GRID2: variants seen among roughly 807,000 people sequenced by gnomAD.
The protein encoded by GRID2 is glutamate receptor ionotropic, delta-2.
GRID2 carries 33 observed loss-of-function variants against 114.8 expected under a neutral mutation model. That is an observed-to-expected ratio of 0.29 (90% CI 0.22 to 0.38). GRID2 has a LOEUF of 0.38. Ranked by LOEUF, GRID2 falls within the 10% of genes least tolerant of loss-of-function variation. The pLI is 1.00. For synonymous variants in GRID2, 505 were observed against 449.9 expected (o/e 1.12, Z -1.55); for missense variants, 1,184 against 1,257.7 (o/e 0.94, Z 0.89).
intron 2 of GRID2, among the ~76,000 whole-genome samples, chr4:92,893,587 G>T (rs930794281): frequency 2.0e-5 from 3 of 152,102 alleles, no homozygotes; most frequent in Non-Finnish European, 4.4e-5. Context: ...TAGCCCATGT[G>T]TAACTTTTTT....
chr4:92,450,718 C>T (rs1374721707), intron 1 of GRID2, among the ~76,000 whole-genome samples: 3 of 151,294 alleles, frequency 2.0e-5, no homozygotes, highest in Admixed American at 1.3e-4. Flanking sequence ...TCTGAATAAC[C>T]TCCTTTAAAT....
chr4:92,700,918 C>T (rs1388758431), intron 2 of GRID2, among the ~76,000 whole-genome samples: 2 of 148,818 alleles, frequency 1.3e-5, no homozygotes, highest in South Asian at 2.2e-4. Flanking sequence ...GGCGTGAACC[C>T]GGGAGGTGGA....
At chr4:92,918,076 A>T (rs1449295661) in intron 2 of GRID2, among the ~76,000 whole-genome samples, 3 of 152,056 alleles carry the variant, frequency 2.0e-5, no homozygotes, top group African/African-American at 7.2e-5. Flanking sequence ...CATCCCTTGT[A>T]AGTTGGTTTC....
chr4:93,364,829 C>T (rs1270191752), intron 8 of GRID2, among the ~76,000 whole-genome samples: 1 of 151,932 alleles, frequency 6.6e-6, no homozygotes, highest in Non-Finnish European at 1.5e-5. Context: ...CTTTATAGGT[C>T]ATATTTCTCA....
At chr4:93,417,163 T>G (rs543217477) in intron 9 of GRID2, among the ~76,000 whole-genome samples, 1 of 152,262 alleles carries the variant, frequency 6.6e-6, no homozygotes, top group African/African-American at 2.4e-5. Context: ...CAAAGCCATC[T>G]ACTCACACTT....
At chr4:92,397,342 ATGTG>A (rs58085283) in intron 1 of GRID2, among the ~76,000 whole-genome samples, 5,684 of 142,672 alleles carry the variant, frequency 0.04, 119 homozygotes, top group South Asian at 0.052. Context: ...GTGTGTTTGT[ATGTG>A]TGTGTGTGTG....
intron 1 of GRID2, among the ~76,000 whole-genome samples, chr4:92,324,596 GACACACAC>G (rs34621988): frequency 4.0e-5 from 6 of 148,152 alleles, no homozygotes; most frequent in Non-Finnish European, 6.0e-5. Context: ...CATACATACA[GACACACAC>G]ACACACACAC....
intron 1 of GRID2, among the ~76,000 whole-genome samples, chr4:92,335,481 G>T (rs1727117911): frequency 6.6e-6 from 1 of 152,100 alleles, no homozygotes; most frequent in Non-Finnish European, 1.5e-5. Flanking sequence ...TTTTCTTTCA[G>T]TCTGACTTTG....
chr4:92,906,762 G>T (rs559119663), intron 2 of GRID2, among the ~76,000 whole-genome samples: 2 of 152,168 alleles, frequency 1.3e-5, no homozygotes, highest in African/African-American at 4.8e-5. Context: ...GGGACTACAG[G>T]CACCTCCATT....
chr4:93,803,098 T>A lies in GRID2; in HGVS notation c.222-3617T>A, dbSNP rs546675012. On this transcript the variant is annotated intron_variant, in intron 1 of 1. Transcript: ENST00000637838. ...ATCCTATGTACATGCAGTGGAATTT[T>A]GTAGCCTGAAGGAACTACAGTGATC... Among the ~76,000 whole-genome samples the A allele has an allele frequency of 1.1e-4, 17 of 152,352 alleles. No homozygotes were observed. The East Asian group carries it at 3.1e-3, about 28-fold the overall frequency.
At chr4:93,538,415 G>T (rs562681236) in intron 13 of GRID2, among the ~76,000 whole-genome samples, 1 of 151,738 alleles carries the variant, frequency 6.6e-6, no homozygotes, top group South Asian at 2.1e-4. Flanking sequence ...AAAAAAAGTG[G>T]GAGAAGAAAC....
chr4:92,962,842 A>G (rs1247829859), intron 2 of GRID2, among the ~76,000 whole-genome samples: 1 of 151,908 alleles, frequency 6.6e-6, no homozygotes, highest in African/African-American at 2.4e-5. Flanking sequence ...TAGCCCAGCA[A>G]TAGTTCCCAC....
intron 9 of GRID2, among the ~76,000 whole-genome samples, chr4:93,396,832 A>G (rs1264357530): frequency 6.6e-6 from 1 of 152,054 alleles, no homozygotes; most frequent in African/African-American, 2.4e-5. Context: ...AAATAGCCAT[A>G]AACCACGAAG....
chr4:93,804,930 T>C (rs1482269041), intron 1 of GRID2, among the ~76,000 whole-genome samples: 1 of 152,228 alleles, frequency 6.6e-6, no homozygotes, highest in Non-Finnish European at 1.5e-5. Context: ...AGGTGGTTGA[T>C]ATTGTTTTAT....
Position 93,772,513 on chromosome 4 carries a change from T to G in GRID2, c.*15T>G. The G allele has an allele frequency of 6.5e-7, 1 of 1,533,458 alleles. No homozygotes were observed. The highest frequency in any genetic ancestry group is 2.3e-5 in the East Asian group (1 of 44,214). 95.0% of individuals were successfully genotyped at this position (1,533,458 alleles called of 1,614,324 possible). ...CCTCCATATGAGCATCAAACAAATC[T>G]CTTCACTGTTTCTTTTTTAGGACTC... On this transcript the variant is annotated 3_prime_UTR_variant, in exon 16 of 16. Coordinates refer to ENST00000282020, the MANE Select transcript of GRID2 (RefSeq NM_001510.4).
chr4:92,590,369 G>A (rs370608333), intron 2 of GRID2, 83 bp downstream of exon 2: 12 of 951,178 alleles, frequency 1.3e-5, no homozygotes, highest in Middle Eastern at 2.5e-4. Flanking sequence ...TATTAAACAT[G>A]GACATCATTT....
chr4:92,992,955 C>G (rs1754995086), intron 2 of GRID2, among the ~76,000 whole-genome samples: 1 of 151,916 alleles, frequency 6.6e-6, no homozygotes, highest in Non-Finnish European at 1.5e-5. Flanking sequence ...TAATAAAACT[C>G]TTGTCACTTT....
intron 3 of GRID2, among the ~76,000 whole-genome samples, chr4:93,098,444 T>C (rs1000102007): frequency 1.3e-5 from 2 of 151,936 alleles, no homozygotes; most frequent in African/African-American, 4.8e-5. Flanking sequence ...TATCTGACAA[T>C]GGCTAGATGC....
intron 1 of GRID2, among the ~76,000 whole-genome samples, chr4:92,363,937 AACTCCCC>A (rs566592558): frequency 7.4e-4 from 111 of 149,502 alleles, no homozygotes; most frequent in Middle Eastern, 6.9e-3. Flanking sequence ...CTTGTGTCTC[AACTCCCC>A]AGGTAGCTAG....
Sources: gnomAD v4.1 joint callset for allele counts (sites outside exome capture counted in the v4.1 genomes callset) on GRCh38, gnomAD v4.1.1 for gene constraint, MANE v1.5 for transcripts, NCBI Gene and HGNC (gene_info 2026-07-23, HGNC 2026-07-21) for gene names.